NR6A1: variants seen among roughly 807,000 people sequenced by gnomAD.
NR6A1 encodes the protein retinoic acid receptor-related testis-associated receptor.
Under a neutral mutation model 59.1 loss-of-function variants are expected in NR6A1, and 7 were observed. That is an observed-to-expected ratio of 0.12 (90% CI 0.07 to 0.22). The LOEUF is 0.22. NR6A1 is among the 10% of genes least tolerant of loss of function. The pLI is 1.00. For missense variants in NR6A1, 468 were observed against 611.6 expected, an observed-to-expected ratio of 0.77 and a Z score of 2.48; for synonymous variants, 243 against 236.1, an observed-to-expected ratio of 1.03 and a Z score of -0.27.
At chr9:124,743,599 G>A (rs1046291286) in intron 1 of NR6A1, among the ~76,000 whole-genome samples, 28 of 151,990 alleles carry the variant, frequency 1.8e-4, no homozygotes, top group African/African-American at 5.8e-4. Flanking sequence ...TAGTTTTTCC[G>A]GCTTCTAGCT....
intron 2 of NR6A1, among the ~76,000 whole-genome samples, chr9:124,727,675 TAA>T (rs1839759532): frequency 6.6e-6 from 1 of 152,138 alleles, no homozygotes; most frequent in African/African-American, 2.4e-5. Flanking sequence ...CTCCGCTTTT[TAA>T]TGACTTTATT....
chr9:124,742,036 G>GA (rs1840185262), intron 1 of NR6A1, among the ~76,000 whole-genome samples: 2 of 152,130 alleles, frequency 1.3e-5, no homozygotes, highest in Non-Finnish European at 1.5e-5. Context: ...TAAATAGAGA[G>GA]AAAAAACAGA....
chr9:124,707,501 A>T (rs989012896), intron 2 of NR6A1, among the ~76,000 whole-genome samples: 1 of 151,068 alleles, frequency 6.6e-6, no homozygotes, highest in African/African-American at 2.5e-5. Flanking sequence ...GATCACTCAG[A>T]GACAGTTTCT....
Position 124,525,710 on chromosome 9 carries a change from T to TACACAC in NR6A1, c.1202-843_1202-838dup, listed in dbSNP as rs747297848. ...CTCTCTCTCTCTCTCTATATATATA[T>TACACAC]ACACACACACACACCTTTTTTATAT... is the stretch of plus-strand genomic sequence containing the variant. On this transcript the variant is annotated intron_variant, in intron 8 of 9. Transcript: ENST00000487099. 5.9e-4 allele frequency among the ~76,000 whole-genome samples: 86 copies of TACACAC among 146,212 alleles called. 1 individual carries two copies. In the South Asian group the frequency reaches 0.018, roughly 31 times the overall value.
intron 2 of NR6A1, among the ~76,000 whole-genome samples, chr9:124,728,225 T>C (rs1839782544): frequency 6.6e-6 from 1 of 151,796 alleles, no homozygotes; most frequent in Non-Finnish European, 1.5e-5. Flanking sequence ...GAGACGGGGT[T>C]TCACTGTGTT....
chr9:124,640,556 T>C (rs1034893500), intron 2 of NR6A1, among the ~76,000 whole-genome samples: 2 of 152,068 alleles, frequency 1.3e-5, no homozygotes, highest in Non-Finnish European at 2.9e-5. Context: ...TATGCCACTA[T>C]GCCTGACTAC....
intron 2 of NR6A1, chr9:124,599,047 C>T: frequency 1.4e-6 from 1 of 735,876 alleles, no homozygotes; most frequent in Non-Finnish European, 2.5e-6. Flanking sequence ...GGGTGGTCCC[C>T]TTCTCCTTGT....
At chr9:124,750,277 T>C (rs1840457411) in intron 1 of NR6A1, among the ~76,000 whole-genome samples, 1 of 152,194 alleles carries the variant, frequency 6.6e-6, no homozygotes, top group Non-Finnish European at 1.5e-5. Context: ...GTCTCTCCCA[T>C]TCCACATGGA....
At chr9:124,700,202 G>A (rs920386905) in intron 2 of NR6A1, among the ~76,000 whole-genome samples, 9 of 150,520 alleles carry the variant, frequency 6.0e-5, no homozygotes, top group Non-Finnish European at 1.3e-4. Context: ...CTTGAGTTTG[G>A]CTTTTTTTTT....
chr9:124,721,658 A>G (rs1225833419), intron 2 of NR6A1, among the ~76,000 whole-genome samples: 1 of 152,234 alleles, frequency 6.6e-6, no homozygotes, highest in East Asian at 1.9e-4. Context: ...CTATTCCACA[A>G]TGAATCATTC....
chr9:124,769,629 G>A (rs1841049645), intron 1 of NR6A1, among the ~76,000 whole-genome samples: 1 of 152,248 alleles, frequency 6.6e-6, no homozygotes, highest in African/African-American at 2.4e-5. Flanking sequence ...GTTAGACACT[G>A]TTCGGTCCTA....
rs1832739399 is a variant in NR6A1, at chr9:124,518,756, GGTTTT to G, written c.*3944_*3948del. 1 of 150,590 alleles carries G rather than the reference GGTTTT, an allele frequency of 6.6e-6. No homozygotes were observed. The highest frequency in any genetic ancestry group is 6.6e-5 in the Admixed American group (1 of 15,176). The allele number at this position is 150,590 out of a possible 1,614,324, so 9.3% of individuals were successfully genotyped here. The stretch of plus-strand genomic sequence containing the variant: ...TTTGTTAAATTTTGTTTGTTTTTTG[GGTTTT>G]TTTTTTTTTTACTTTAAAAAAATCA... On this transcript the variant is annotated 3_prime_UTR_variant, in exon 10 of 10. Transcript: ENST00000487099.
chr9:124,598,647 TAAAAAAAAAA>T (rs34357133), intron 2 of NR6A1: 4 of 161,102 alleles, frequency 2.5e-5, no homozygotes, highest in Non-Finnish European at 4.4e-5. Flanking sequence ...AGAGTAAAAT[TAAAAAAAAAA>T]AAAAAAAAAA....
At chr9:124,599,592 G>C in intron 2 of NR6A1, 1 of 1,160,092 alleles carries the variant, frequency 8.6e-7, no homozygotes, top group South Asian at 1.5e-5. Flanking sequence ...AGGGCGCGGC[G>C]GCGGCGGCCG....
rs1832729439 is a variant in NR6A1, at chr9:124,518,224, A to C, written c.*4481T>G. Reference sequence around the variant, plus strand: ...GCCCAGAAGACGGATGCTAGATGGGAACTGGGCTAGACAGAGGGACCAGGC... The same window carrying C: ...GCCCAGAAGACGGATGCTAGATGGGCACTGGGCTAGACAGAGGGACCAGGC... On this transcript the variant is annotated 3_prime_UTR_variant, in exon 10 of 10. Coordinates refer to ENST00000487099, the MANE Select transcript of NR6A1 (RefSeq NM_033334.4). 6.8e-6 allele frequency: 1 copy of C among 147,382 alleles called. No individual in the cohort carries two copies. The highest frequency in any genetic ancestry group is 6.9e-5 in the Admixed American group (1 of 14,564). 9.1% of individuals were successfully genotyped at this position (147,382 alleles called of 1,614,324 possible).
At chr9:124,534,912 C>T (rs1202466456) in intron 7 of NR6A1, among the ~76,000 whole-genome samples, 1 of 152,142 alleles carries the variant, frequency 6.6e-6, no homozygotes, top group Non-Finnish European at 1.5e-5. Context: ...ATCATGAGGT[C>T]GGGAGGCCGA....
intron 2 of NR6A1, among the ~76,000 whole-genome samples, chr9:124,625,196 C>G (rs10986381): frequency 0.018 from 2,712 of 152,266 alleles, 83 homozygotes; most frequent in African/African-American, 0.062. Flanking sequence ...GACCTTGGAG[C>G]AAGTCTCCGA....
At chr9:124,541,286 A>G (rs531124249) in intron 4 of NR6A1, among the ~76,000 whole-genome samples, 109 of 152,322 alleles carry the variant, frequency 7.2e-4, no homozygotes, top group African/African-American at 2.3e-3. Context: ...GAACAGAAAA[A>G]AAACAAAACA....
rs530966689 is a variant in NR6A1, at chr9:124,752,306, AG to A, written c.100+18713del. 6.0e-4 allele frequency among the ~76,000 whole-genome samples: 91 copies of A among 152,312 alleles called. 1 individual carries two copies. In the South Asian group the frequency reaches 0.018, roughly 30 times the overall value. On this transcript the variant is annotated intron_variant, in intron 1 of 9. Transcript: ENST00000487099. ...AAATTAAATAAGAAAAAATGACAAT[AG>A]GTTTTTTTCTTATTCAAAAAGTTTT...
Sources: allele counts gnomAD v4.1 joint callset (sites outside exome capture counted in the v4.1 genomes callset), GRCh38; gene constraint gnomAD v4.1.1; transcripts MANE v1.5; gene names NCBI Gene and HGNC (gene_info 2026-07-23, HGNC 2026-07-21).